Variants in FYB2 observed in about 807,000 individuals in gnomAD.
The protein encoded by FYB2 is FYN binding protein 2.
Under a neutral mutation model 94.1 loss-of-function variants are expected in FYB2, and 103 were observed. The ratio of observed to expected loss-of-function variants is 1.09; its 90% CI spans 0.93 to 1.29. FYB2 has a LOEUF of 1.29. Ranked by LOEUF, FYB2 falls within the 50% of genes most tolerant of loss-of-function variation. FYB2 has a pLI of 0.00. For missense variants in FYB2, 896 were observed against 841.5 expected (o/e 1.06, Z -0.80); for synonymous variants, 293 against 287.9 (o/e 1.02, Z -0.18).
chr1:56,775,646 G>T (rs1463763422), intron 4 of FYB2, among the ~76,000 whole-genome samples: 2 of 152,124 alleles, frequency 1.3e-5, no homozygotes, highest in Non-Finnish European at 1.5e-5. Context: ...TTTGAATCCA[G>T]ATATTTGAAT....
intron 1 of FYB2, among the ~76,000 whole-genome samples, chr1:56,817,768 C>T (rs1315798235): frequency 1.3e-5 from 2 of 152,180 alleles, no homozygotes; most frequent in African/African-American, 4.8e-5. Flanking sequence ...ATCATATTAG[C>T]TTATCCCATA....
chr1:56,783,823 G>A (rs1570136824), intron 4 of FYB2, among the ~76,000 whole-genome samples: 1 of 152,156 alleles, frequency 6.6e-6, no homozygotes, highest in Admixed American at 6.6e-5. Context: ...TGGCTCTGAT[G>A]AAGAAAAATA....
At chr1:56,743,163 C>T (rs914549980) in intron 11 of FYB2, among the ~76,000 whole-genome samples, 2 of 151,948 alleles carry the variant, frequency 1.3e-5, no homozygotes, top group African/African-American at 4.8e-5. Context: ...CCTGAAGGTA[C>T]TTCTCCTAAT....
At chr1:56,817,012 A>G (rs1368218746) in intron 1 of FYB2, among the ~76,000 whole-genome samples, 1 of 152,038 alleles carries the variant, frequency 6.6e-6, no homozygotes, top group East Asian at 1.9e-4. Context: ...ATAATCTCCT[A>G]CCTGGTCAGC....
chr1:56,792,557 C>T lies in FYB2; in HGVS notation c.256G>A (p.Glu86Lys), dbSNP rs1339826336. The T allele has an allele frequency of 6.2e-7, 1 of 1,614,016 alleles. No homozygotes were observed. Among genetic ancestry groups the T allele is most frequent in the African/African-American group, 1.3e-5 (1 of 74,912 alleles). Reference protein sequence around the residue: ...PQKIKLAQKSEIPKCSNSPGP... With the variant: ...PQKIKLAQKSKIPKCSNSPGP... ...GGGGAGTTAGAACATTTTGGAATTT[C>T]ACTCTTCTGAGCCAACTTTATTTTC... The change falls in exon 2 of 20, where the codon GAA becomes AAA. Residue 86 changes from glutamate (E) to lysine (K), a missense_variant. Transcript: ENST00000343433.
intron 14 of FYB2, chr1:56,737,405 G>A (rs1432131998): frequency 3.4e-6 from 1 of 291,888 alleles, no homozygotes; most frequent in East Asian, 7.0e-5. Context: ...ATATTAATTT[G>A]CTTTTACATA....
intron 6 of FYB2, among the ~76,000 whole-genome samples, chr1:56,756,628 C>A (rs1376848500): frequency 6.6e-6 from 1 of 152,108 alleles, no homozygotes; most frequent in African/African-American, 2.4e-5. Flanking sequence ...ATAATTCTAG[C>A]AAATTAGATG....
intron 6 of FYB2, among the ~76,000 whole-genome samples, chr1:56,757,689 T>TCCTTCCTTCCTTCCTTCCTTCCTTCCTTC (rs1557616891): frequency 1.8e-5 from 1 of 56,862 alleles, no homozygotes; most frequent in Non-Finnish European, 3.4e-5. Flanking sequence ...CTTCCTTCCT[T>TCCTTCCTTCCTTCCTTCCTTCCTTCCTTC]CTTTCTTTCT....
chr1:56,817,637 T>C (rs148588316), intron 1 of FYB2, among the ~76,000 whole-genome samples: 7 of 152,280 alleles, frequency 4.6e-5, no homozygotes, highest in Middle Eastern at 3.4e-3. Context: ...AATAAATATA[T>C]ATTGAATAAA....
chr1:56,800,727 T>C (rs751244246), intron 1 of FYB2, among the ~76,000 whole-genome samples: 1 of 152,148 alleles, frequency 6.6e-6, no homozygotes, highest in East Asian at 1.9e-4. Context: ...CCAGTGCTCT[T>C]GGTGAGACTG....
chr1:56,819,223 A>G, intron 1 of FYB2, 59 bp downstream of exon 1: 3 of 1,612,454 alleles, frequency 1.9e-6, no homozygotes, highest in Non-Finnish European at 2.5e-6. Context: ...AAGTGGGAGG[A>G]ACTTGTCCTG....
At chr1:56,771,866 T>G (rs1420759755) in intron 4 of FYB2, among the ~76,000 whole-genome samples, 1 of 152,120 alleles carries the variant, frequency 6.6e-6, no homozygotes, top group Admixed American at 6.6e-5. Context: ...CATAAGCACA[T>G]TCCACCCAAT....
In FYB2 at chr1:56,755,878, T is replaced by C; in HGVS notation, c.1130+18A>G. The stretch of plus-strand genomic sequence containing the variant: ...CAGTGCTTGGACAGGTGCTTTTCTT[T>C]TGAAAGATAAAACTCACCTAGGTTC... On this transcript the variant is annotated intron_variant, in intron 7 of 19. Transcript: ENST00000343433. 6.3e-7 allele frequency: 1 copy of C among 1,596,048 alleles called. No individual in the cohort carries two copies. Among genetic ancestry groups the C allele is most frequent in the Non-Finnish European group, 8.6e-7 (1 of 1,164,708 alleles).
At chr1:56,778,433 G>C (rs1283257810) in intron 4 of FYB2, among the ~76,000 whole-genome samples, 1 of 152,084 alleles carries the variant, frequency 6.6e-6, no homozygotes, top group South Asian at 2.1e-4. Flanking sequence ...CACATTGTAG[G>C]CTCCCAGTTA....
chr1:56,725,395 A>G (rs1168758203), intron 16 of FYB2, among the ~76,000 whole-genome samples: 1 of 152,076 alleles, frequency 6.6e-6, no homozygotes, highest in East Asian at 1.9e-4. Context: ...GCCTTACAGT[A>G]ATGTTTTCTA....
At chr1:56,775,686 A>G (rs909385606) in intron 4 of FYB2, among the ~76,000 whole-genome samples, 1 of 152,188 alleles carries the variant, frequency 6.6e-6, no homozygotes, top group African/African-American at 2.4e-5. Flanking sequence ...GCTATATACC[A>G]TCTTACACAG....
chr1:56,803,341 G>C (rs1485108403), intron 1 of FYB2, among the ~76,000 whole-genome samples: 1 of 152,208 alleles, frequency 6.6e-6, no homozygotes, highest in Admixed American at 6.5e-5. Flanking sequence ...GTGGGTTTCA[G>C]AGCTTATTGG....
intron 17 of FYB2, among the ~76,000 whole-genome samples, chr1:56,721,429 C>T (rs558660496): frequency 2.4e-4 from 37 of 152,102 alleles, no homozygotes; most frequent in African/African-American, 7.5e-4. Flanking sequence ...TCAACCTATA[C>T]CAAATGAGAT....
intron 1 of FYB2, among the ~76,000 whole-genome samples, chr1:56,808,990 TAC>T (rs572127377): frequency 1.3e-5 from 2 of 152,176 alleles, no homozygotes; most frequent in African/African-American, 4.8e-5. Flanking sequence ...ATTATGTTGT[TAC>T]ACACACACAT....
Sources: gnomAD v4.1 joint callset for allele counts (sites outside exome capture counted in the v4.1 genomes callset) on GRCh38, gnomAD v4.1.1 for gene constraint, MANE v1.5 for transcripts, NCBI Gene and HGNC (gene_info 2026-07-23, HGNC 2026-07-21) for gene names.